ZIM2: variants seen among roughly 807,000 people sequenced by gnomAD.
ZIM2 encodes the protein zinc finger imprinted 2, also known as zinc finger protein 656.
A neutral mutation model predicts 38.6 loss-of-function variants in ZIM2; 14 were observed. The observed-to-expected ratio is 0.36, with a 90% confidence interval of 0.24 to 0.57. ZIM2 has a LOEUF of 0.57. Among genes scored for constraint, ZIM2 ranks in the 20% least tolerant of loss-of-function variants. ZIM2 has a pLI of 0.81. For synonymous variants in ZIM2, 247 were observed against 245.8 expected (o/e 1.00, Z -0.04); for missense variants, 680 against 695.1 (o/e 0.98, Z 0.24).
At chr19:56,816,495 A>G (rs1316648735) in intron 9 of ZIM2, 2 of 1,613,436 alleles carry the variant, frequency 1.2e-6, no homozygotes, top group Non-Finnish European at 1.7e-6. Flanking sequence ...TCCCTCTAGT[A>G]TGGATTTTCT....
intron 9 of ZIM2, chr19:56,811,578 T>A (rs899774102): frequency 3.0e-6 from 3 of 985,364 alleles, no homozygotes; most frequent in Non-Finnish European, 3.6e-6. Context: ...TTACAGCAAG[T>A]TGCTTTCTGA....
At chr19:56,840,115 C>G (rs1271795118) in intron 1 of ZIM2, among the ~76,000 whole-genome samples, 1 of 152,230 alleles carries the variant, frequency 6.6e-6, no homozygotes, top group Non-Finnish European at 1.5e-5. Context: ...GCCCCCAGAC[C>G]CAGCCCAGGA....
At chr19:56,835,560 GC>G (rs1365082497) in intron 2 of ZIM2, among the ~76,000 whole-genome samples, 4 of 152,182 alleles carry the variant, frequency 2.6e-5, no homozygotes, top group Non-Finnish European at 5.9e-5. Flanking sequence ...GTCAGCTGTT[GC>G]TAGCAGATGT....
chr19:56,794,136 A>G (rs2047076347), intron 9 of ZIM2, among the ~76,000 whole-genome samples: 1 of 152,266 alleles, frequency 6.6e-6, no homozygotes, highest in Admixed American at 6.5e-5. Context: ...AAACCTGTAC[A>G]TAACAATATA....
At position 56,818,757 on chromosome 19, in the gene ZIM2, G is replaced by A. The variant is rs1375962398; in HGVS notation, c.295-55C>T. 5 of 1,586,876 alleles carry A rather than the reference G, an allele frequency of 3.2e-6. No individual in the cohort carries two copies. The African/African-American group carries it at 6.7e-5, about 21-fold the overall frequency. ...GAGTCTGTCCCCACCGATGTTCAAA[G>A]ACAGAATAATGTTGGCAACATGGGA... On this transcript the variant is annotated intron_variant, in intron 7 of 12. Transcript: ENST00000629319.
chr19:56,833,182 G>A (rs150907574), intron 2 of ZIM2: 378 of 516,886 alleles, frequency 7.3e-4, no homozygotes, highest in Non-Finnish European at 1.3e-3. Context: ...CATCCCATCT[G>A]ATGCAGGAGA....
At chr19:56,811,869 C>T in intron 9 of ZIM2, 2 of 985,488 alleles carry the variant, frequency 2.0e-6, no homozygotes, top group Non-Finnish European at 2.4e-6. Context: ...CTGGTGTTTT[C>T]TTCTGTCTGT....
At chr19:56,823,994 C>A (rs2060770810) in intron 4 of ZIM2, among the ~76,000 whole-genome samples, 1 of 152,158 alleles carries the variant, frequency 6.6e-6, no homozygotes, top group African/African-American at 2.4e-5. Context: ...AGAAGTGTCT[C>A]CTTTCCCTCT....
At chr19:56,775,624 A>T in intron 12 of ZIM2, 95 bp from the exon 13 acceptor site, 1 of 1,492,718 alleles carries the variant, frequency 6.7e-7, no homozygotes, top group Non-Finnish European at 8.9e-7. Context: ...CCCTGGAGTT[A>T]GTGCTTTGGT....
At chr19:56,800,515 T>C (rs2047466643) in intron 9 of ZIM2, among the ~76,000 whole-genome samples, 1 of 152,174 alleles carries the variant, frequency 6.6e-6, no homozygotes, top group South Asian at 2.1e-4. Flanking sequence ...CTGTAAGTTG[T>C]ATTCTTATTG....
At chr19:56,822,469 G>T in intron 6 of ZIM2, 1 of 370,650 alleles carries the variant, frequency 2.7e-6, no homozygotes. Flanking sequence ...TTTTGCAGTG[G>T]CATAGTCTTT....
chr19:56,817,222 T>G (rs2060060892), intron 9 of ZIM2: 1 of 1,614,078 alleles, frequency 6.2e-7, no homozygotes, highest in Admixed American at 1.7e-5. Context: ...ACAGCCTTTT[T>G]GATCGTGAAT....
chr19:56,778,898 G>A (rs1796971381), intron 12 of ZIM2, among the ~76,000 whole-genome samples: 1 of 152,086 alleles, frequency 6.6e-6, no homozygotes, highest in Admixed American at 6.6e-5. Context: ...AACCTTTTGT[G>A]GAAGTTTCAG....
intron 2 of ZIM2, among the ~76,000 whole-genome samples, chr19:56,830,252 A>T (rs2061450779): frequency 6.6e-6 from 1 of 152,254 alleles, no homozygotes; most frequent in Admixed American, 6.5e-5. Flanking sequence ...ACCCAAACTA[A>T]CAAAGTCCAA....
At chr19:56,817,359 G>C in intron 9 of ZIM2, 1 of 1,613,798 alleles carries the variant, frequency 6.2e-7, no homozygotes, top group Non-Finnish European at 8.5e-7. Flanking sequence ...CCCGCTGCTG[G>C]ATCACTGACT....
At chr19:56,825,282 A>T (rs553493607) in intron 3 of ZIM2, among the ~76,000 whole-genome samples, 1 of 152,266 alleles carries the variant, frequency 6.6e-6, no homozygotes. Context: ...ATGGAAGACC[A>T]TTCAAAAATA....
intron 9 of ZIM2, chr19:56,799,495 T>C (rs2047399810): frequency 6.6e-6 from 1 of 152,184 alleles, no homozygotes; most frequent in South Asian, 2.1e-4. Context: ...AGCTAATGCA[T>C]GCTGGGCTTA....
At chr19:56,831,861 C>A (rs2061597983) in intron 2 of ZIM2, among the ~76,000 whole-genome samples, 3 of 152,140 alleles carry the variant, frequency 2.0e-5, no homozygotes, top group Admixed American at 2.0e-4. Flanking sequence ...TGCAAATATT[C>A]CCATTTACGT....
At chr19:56,824,961 G>T in intron 3 of ZIM2, 1 of 298,532 alleles carries the variant, frequency 3.3e-6, no homozygotes, top group Non-Finnish European at 6.3e-6. Context: ...ACTAACTTGG[G>T]CTACTAACTT....
Sources: allele counts gnomAD v4.1 joint callset (sites outside exome capture counted in the v4.1 genomes callset), GRCh38; gene constraint gnomAD v4.1.1; transcripts MANE v1.5; gene names NCBI Gene and HGNC (gene_info 2026-07-23, HGNC 2026-07-21).